The following HIPK2 variants were observed in gnomAD, a reference collection of about 807,000 sequenced individuals.
HIPK2 encodes the protein homeodomain-interacting protein kinase 2.
HIPK2 carries 27 observed loss-of-function variants against 113.7 expected under a neutral mutation model. The ratio of observed to expected loss-of-function variants is 0.24; its 90% CI spans 0.17 to 0.33. The LOEUF is 0.33. Ranked by LOEUF, HIPK2 falls within the 10% of genes least tolerant of loss-of-function variation. The probability of loss-of-function intolerance (pLI) is 1.00; values close to 1 mark genes in which losing one functional copy is unlikely to be tolerated. For synonymous variants in HIPK2, 631 were observed against 642.2 expected, an observed-to-expected ratio of 0.98 and a Z score of 0.26; for missense variants, 1,257 against 1,588.0, an observed-to-expected ratio of 0.79 and a Z score of 3.54.
chr7:139,662,792 G>C (rs1256557674), intron 2 of HIPK2, among the ~76,000 whole-genome samples: 2 of 151,998 alleles, frequency 1.3e-5, no homozygotes, highest in Admixed American at 1.3e-4. Context: ...GCTAATCTTT[G>C]TATTTTTAGT....
chr7:139,582,537 G>A (rs1200278439), intron 13 of HIPK2, among the ~76,000 whole-genome samples: 2 of 152,242 alleles, frequency 1.3e-5, no homozygotes, highest in Non-Finnish European at 2.9e-5. Flanking sequence ...AAAAGGAGAC[G>A]TTTTAGCAGG....
At chr7:139,615,759 T>G (rs1171662882) in intron 7 of HIPK2, among the ~76,000 whole-genome samples, 1 of 152,240 alleles carries the variant, frequency 6.6e-6, no homozygotes, top group Non-Finnish European at 1.5e-5. Context: ...AAAGTCTTAT[T>G]TTACATATGT....
At chr7:139,746,001 G>A (rs1788192667) in intron 1 of HIPK2, among the ~76,000 whole-genome samples, 1 of 152,164 alleles carries the variant, frequency 6.6e-6, no homozygotes, top group South Asian at 2.1e-4. Flanking sequence ...CTCGAGCCAG[G>A]AGGAGCAGAG....
intron 2 of HIPK2, among the ~76,000 whole-genome samples, chr7:139,654,374 G>A (rs183579216): frequency 6.6e-6 from 1 of 152,248 alleles, no homozygotes; most frequent in East Asian, 1.9e-4. Context: ...TTAGCCAGGT[G>A]TGGTGGTGCA....
chr7:139,723,024 C>T (rs900772123), intron 1 of HIPK2, among the ~76,000 whole-genome samples: 7 of 151,916 alleles, frequency 4.6e-5, no homozygotes, highest in Admixed American at 2.6e-4. Context: ...ACACCATGCC[C>T]GGCTTCAAAC....
chr7:139,664,433 A>T (rs2116579614), intron 2 of HIPK2, among the ~76,000 whole-genome samples: 1 of 152,238 alleles, frequency 6.6e-6, no homozygotes, highest in East Asian at 1.9e-4. Context: ...GCTACTAGGG[A>T]GGCTGAGGCA....
intron 1 of HIPK2, among the ~76,000 whole-genome samples, chr7:139,774,604 A>G (rs1183388323): frequency 1.3e-5 from 2 of 152,230 alleles, no homozygotes; most frequent in African/African-American, 4.8e-5. Context: ...GATGAATTGC[A>G]GCAGACAGTT....
At chr7:139,593,503 TTTC>T (rs1244168566) in intron 12 of HIPK2, among the ~76,000 whole-genome samples, 1 of 152,222 alleles carries the variant, frequency 6.6e-6, no homozygotes, top group Non-Finnish European at 1.5e-5. Context: ...TTGCATTGGC[TTTC>T]TTTTAAAAAT....
chr7:139,683,899 T>A lies in HIPK2; in HGVS notation c.1103+32033A>T, dbSNP rs150160854. Among the ~76,000 whole-genome samples, 3 of 151,992 alleles carry A rather than the reference T, an allele frequency of 2.0e-5. No individual in the cohort carries two copies. The highest frequency in any genetic ancestry group is 2.9e-5 in the Non-Finnish European group (2 of 68,026). Reference sequence around the variant, plus strand: ...TGGAATTTGGGGAGGGGCATATATATAGAGAGACATACCTCATTATATTGC... The same window carrying A: ...TGGAATTTGGGGAGGGGCATATATAAAGAGAGACATACCTCATTATATTGC... On this transcript the variant is annotated intron_variant, in intron 2 of 14. Coordinates refer to ENST00000406875, the MANE Select transcript of HIPK2 (RefSeq NM_022740.5). The surrounding 1 kb of genome is among the most constrained non-coding windows in gnomAD (Gnocchi z 4.2).
intron 1 of HIPK2, among the ~76,000 whole-genome samples, chr7:139,743,208 G>A (rs1796134691): frequency 1.3e-5 from 2 of 152,280 alleles, no homozygotes; most frequent in South Asian, 4.1e-4. Flanking sequence ...AGGGAGGGCT[G>A]CACACATCAG....
At chr7:139,741,852 T>C (rs960910648) in intron 1 of HIPK2, among the ~76,000 whole-genome samples, 4 of 152,248 alleles carry the variant, frequency 2.6e-5, no homozygotes, top group African/African-American at 4.8e-5. Flanking sequence ...GAACCTGGTA[T>C]GATGAAAAAT....
chr7:139,724,858 C>T (rs1326602634), intron 1 of HIPK2, among the ~76,000 whole-genome samples: 3 of 151,852 alleles, frequency 2.0e-5, no homozygotes, highest in African/African-American at 7.3e-5. Flanking sequence ...TTCACAATAG[C>T]AAAGACTTGG....
Position 139,662,020 on chromosome 7 carries a change from T to C in HIPK2, c.1104-30295A>G, listed in dbSNP as rs113246092. Among the ~76,000 whole-genome samples, 789 of 152,366 alleles carry C rather than the reference T, an allele frequency of 5.2e-3. 5 individuals are homozygous for C. Among genetic ancestry groups the C allele is most frequent in the African/African-American group, 0.018 (738 of 41,584 alleles). On this transcript the variant is annotated intron_variant, in intron 2 of 14. Transcript: ENST00000406875. ...ACTACATTATTCTCACCAACTGTTA[T>C]ATGTTTAGCTTGGCTTCTGACCTCT...
intron 10 of HIPK2, 163 bp downstream of exon 10, chr7:139,603,918 G>C: frequency 5.6e-6 from 2 of 357,404 alleles, no homozygotes; most frequent in Non-Finnish European, 3.9e-6. Flanking sequence ...ATTGCTTCTT[G>C]TTACCCTGCA....
intron 9 of HIPK2, among the ~76,000 whole-genome samples, chr7:139,605,075 CAAGT>C (rs1391209633): frequency 3.3e-5 from 5 of 152,180 alleles, no homozygotes; most frequent in Admixed American, 3.3e-4. Flanking sequence ...TGAGAGCAAG[CAAGT>C]ATGAAGTAAA....
chr7:139,763,044 C>T (rs757939525), intron 1 of HIPK2, among the ~76,000 whole-genome samples: 2 of 152,180 alleles, frequency 1.3e-5, no homozygotes, highest in African/African-American at 2.4e-5. Flanking sequence ...GGCAGGAGAA[C>T]ATTCCAGGAA....
At chr7:139,574,736 C>T (rs1361596202) in intron 14 of HIPK2, among the ~76,000 whole-genome samples, 1 of 152,206 alleles carries the variant, frequency 6.6e-6, no homozygotes, top group Non-Finnish European at 1.5e-5. Flanking sequence ...GGTGTGCGGG[C>T]CCTCCCTGCA....
chr7:139,773,498 G>A (rs756219365), intron 1 of HIPK2, among the ~76,000 whole-genome samples: 5 of 152,092 alleles, frequency 3.3e-5, no homozygotes, highest in Admixed American at 6.5e-5. Flanking sequence ...AAGCACAGGC[G>A]AATTACACGT....
At chr7:139,715,522 A>C (rs1009341433) in intron 2 of HIPK2, among the ~76,000 whole-genome samples, 2 of 152,178 alleles carry the variant, frequency 1.3e-5, no homozygotes, top group African/African-American at 4.8e-5. Context: ...TTTCACTCAC[A>C]TCTCCCACCA....
Sources: allele counts gnomAD v4.1 joint callset (sites outside exome capture counted in the v4.1 genomes callset), GRCh38; gene constraint gnomAD v4.1.1; non-coding constraint Gnocchi (gnomAD v3.1); transcripts MANE v1.5; gene names NCBI Gene and HGNC (gene_info 2026-07-23, HGNC 2026-07-21).